RCOR1: variants seen among roughly 807,000 people sequenced by gnomAD.
RCOR1 encodes the protein REST corepressor.
A neutral mutation model predicts 64.0 loss-of-function variants in RCOR1; 12 were observed. That is an observed-to-expected ratio of 0.19 (90% confidence interval 0.12 to 0.30). The LOEUF is 0.30. Among genes scored for constraint, RCOR1 ranks in the 10% least tolerant of loss-of-function variants. RCOR1 has a pLI of 1.00. For synonymous variants in RCOR1, 279 were observed against 227.2 expected (o/e 1.23, Z -2.05); for missense variants, 502 against 621.2 (o/e 0.81, Z 2.04).
intron 2 of RCOR1, among the ~76,000 whole-genome samples, chr14:102,611,168 T>G (rs1411699231): frequency 6.6e-6 from 1 of 152,018 alleles, no homozygotes; most frequent in Non-Finnish European, 1.5e-5. Context: ...CCCCACACCA[T>G]TCAGGCGATT....
At chr14:102,711,380 C>T (rs1017168042) in intron 7 of RCOR1, among the ~76,000 whole-genome samples, 3 of 152,218 alleles carry the variant, frequency 2.0e-5, no homozygotes, top group Admixed American at 6.5e-5. Flanking sequence ...GTCTGCCCAT[C>T]CTAGGCACCC....
intron 3 of RCOR1, among the ~76,000 whole-genome samples, chr14:102,682,538 C>T (rs1895327881): frequency 6.6e-6 from 1 of 152,140 alleles, no homozygotes; most frequent in Admixed American, 6.5e-5. Context: ...AGTTTGCTTC[C>T]ATATGTGTCC....
chr14:102,608,146 C>T (rs1893553854), intron 2 of RCOR1, among the ~76,000 whole-genome samples: 1 of 152,156 alleles, frequency 6.6e-6, no homozygotes, highest in South Asian at 2.1e-4. Flanking sequence ...CTGCCCTTGT[C>T]TAGTTCCGAA....
intron 2 of RCOR1, among the ~76,000 whole-genome samples, chr14:102,665,217 C>A (rs1190808017): frequency 6.6e-6 from 1 of 151,614 alleles, no homozygotes; most frequent in East Asian, 1.9e-4. Flanking sequence ...GTTGGTCAGG[C>A]TGGTCTCAAA....
In RCOR1 at chr14:102,624,029, T is replaced by TA. The variant is rs902379069; in HGVS notation, c.361+30712dup. Among the ~76,000 whole-genome samples the TA allele has an allele frequency of 6.2e-5, 9 of 144,826 alleles. No homozygotes were observed. The South Asian group carries it at 6.6e-4, about 11-fold the overall frequency. Reference sequence around the variant, plus strand: ...TAACATGGTGAAACCCCATCTCTACTAAAAAAAATACAAAACATTAGCTGG... The same window carrying TA: ...TAACATGGTGAAACCCCATCTCTACTAAAAAAAAATACAAAACATTAGCTGG... On this transcript the variant is annotated intron_variant, in intron 2 of 11. Transcript: ENST00000262241.
chr14:102,625,231 CTT>C (rs61403856), intron 2 of RCOR1, among the ~76,000 whole-genome samples: 1 of 79,192 alleles, frequency 1.3e-5, no homozygotes, highest in African/African-American at 5.2e-5. Flanking sequence ...TATCTTGTTA[CTT>C]TTTTTTTTTT....
At chr14:102,642,283 A>G (rs1406836955) in intron 2 of RCOR1, among the ~76,000 whole-genome samples, 1 of 152,142 alleles carries the variant, frequency 6.6e-6, no homozygotes, top group African/African-American at 2.4e-5. Context: ...GATTAGTGTA[A>G]GTTGTATTCA....
chr14:102,697,273 C>T (rs954782515), intron 3 of RCOR1, among the ~76,000 whole-genome samples: 1 of 152,170 alleles, frequency 6.6e-6, no homozygotes. Context: ...AAGGTCAGGG[C>T]GTTGCTAAAG....
At chr14:102,653,499 T>C in intron 2 of RCOR1, among the ~76,000 whole-genome samples, 1 of 152,216 alleles carries the variant, frequency 6.6e-6, no homozygotes, top group East Asian at 1.9e-4. Context: ...ATAGTGTTAT[T>C]CTTTAGTAGT....
Position 102,592,899 on chromosome 14 carries a change from G to A in RCOR1, c.13G>A (p.Val5Met), listed in dbSNP as rs1453225326. 8.1e-7 allele frequency: 1 copy of A among 1,236,742 alleles called. No homozygotes were observed. Among genetic ancestry groups the A allele is most frequent in the Non-Finnish European group, 1.0e-6 (1 of 985,186 alleles). The allele number at this position is 1,236,742 out of a possible 1,614,324, so 76.6% of individuals were successfully genotyped here. A position where few individuals can be genotyped will look rare whatever the true frequency, so the allele number is the denominator to read the frequency against. MPAM[V>M]EKGPEVSGKR... ...CCGGCCCCCGCCGATGCCGGCCATG[G>A]TGGAGAAGGGCCCCGAGGTCTCAGG... is the stretch of plus-strand genomic sequence containing the variant. Residue 5 changes from valine (V) to methionine (M), a missense_variant, in exon 1 of 12, where the codon GTG (valine) becomes ATG (methionine). Val to Met is a conservative substitution (Grantham distance 21). This residue lies in a region of RCOR1 where 242 missense variants were observed against 204.9 expected (regional missense o/e 1.18). Transcript: ENST00000262241.
At chr14:102,707,207 C>A in intron 4 of RCOR1, 144 bp from the exon 5 acceptor site, 3 of 560,006 alleles carry the variant, frequency 5.4e-6, no homozygotes, top group Non-Finnish European at 9.1e-6. Context: ...GAAAAAGGGG[C>A]CTCTGACAGT....
At chr14:102,723,120 A>G (rs1257804193) in intron 11 of RCOR1, among the ~76,000 whole-genome samples, 2 of 152,224 alleles carry the variant, frequency 1.3e-5, no homozygotes, top group African/African-American at 4.8e-5. Context: ...GGGCATAAGA[A>G]AGAGTTACTT....
rs1372120045 is a variant in RCOR1 at position 102,593,040 on chromosome 14, T to G, written c.154T>G (p.Ser52Ala). The G allele has an allele frequency of 1.2e-5, 15 of 1,301,132 alleles. No individual in the cohort carries two copies. Among genetic ancestry groups the G allele is most frequent in the South Asian group, 2.2e-5 (1 of 45,904 alleles). 80.6% of individuals were successfully genotyped at this position (1,301,132 alleles called of 1,614,324 possible). A position where few individuals can be genotyped will look rare whatever the true frequency, so the allele number is the denominator to read the frequency against. The change falls in exon 1 of 12, where the codon TCC becomes GCC. Residue 52 changes from serine to alanine, a missense_variant. Around this residue, in one of 2 missense-constraint regions of RCOR1, gnomAD observed 242 missense variants for 204.9 expected, o/e 1.18. Transcript: ENST00000262241. ...AATAASGAAASSASAAAASAA... is the reference protein window; with the variant it reads ...AATAASGAAAASASAAAASAA... ...CACTGCCGCCTCGGGCGCCGCCGCC[T>G]CCTCAGCCTCGGCCGCCGCCGCCTC...
At chr14:102,603,721 C>T (rs1893449404) in intron 2 of RCOR1, among the ~76,000 whole-genome samples, 1 of 151,992 alleles carries the variant, frequency 6.6e-6, no homozygotes, top group African/African-American at 2.4e-5. Context: ...CCTGGGCTCA[C>T]ATGATCCTCC....
At chr14:102,631,416 G>T (rs1375249456) in intron 2 of RCOR1, among the ~76,000 whole-genome samples, 1 of 151,818 alleles carries the variant, frequency 6.6e-6, no homozygotes, top group Admixed American at 6.6e-5. Context: ...TGTTAGCCAG[G>T]ATGGTCTCGA....
chr14:102,599,248 C>T (rs1242695782), intron 2 of RCOR1, among the ~76,000 whole-genome samples: 5 of 151,900 alleles, frequency 3.3e-5, no homozygotes, highest in Admixed American at 1.3e-4. Flanking sequence ...CCATACTTTA[C>T]CTCGAAAGTA....
chr14:102,647,299 G>T (rs1894496496), intron 2 of RCOR1, among the ~76,000 whole-genome samples: 1 of 152,096 alleles, frequency 6.6e-6, no homozygotes, highest in South Asian at 2.1e-4. Context: ...AGAATTCTAG[G>T]AGCATACCCA....
At chr14:102,695,032 A>T (rs1895616399) in intron 3 of RCOR1, among the ~76,000 whole-genome samples, 1 of 152,232 alleles carries the variant, frequency 6.6e-6, no homozygotes, top group African/African-American at 2.4e-5. Flanking sequence ...TGCATAGAAT[A>T]TCCAAGATCA....
chr14:102,615,860 C>G (rs1373321466), intron 2 of RCOR1, among the ~76,000 whole-genome samples: 2 of 152,202 alleles, frequency 1.3e-5, no homozygotes, highest in Non-Finnish European at 2.9e-5. Context: ...ACTTTCACAA[C>G]ATGCTTTTGA....
Sources: gnomAD v4.1 joint callset for allele counts (sites outside exome capture counted in the v4.1 genomes callset) on GRCh38, gnomAD v4.1.1 for gene constraint, gnomAD v4.1.1 regional missense constraint, MANE v1.5 for transcripts, NCBI Gene and HGNC (gene_info 2026-07-23, HGNC 2026-07-21) for gene names.